The following AKAP9 variants were observed in gnomAD, a reference collection of about 807,000 sequenced individuals.
AKAP9 encodes the protein A-kinase anchor protein 9.
Under a neutral mutation model 488.5 loss-of-function variants are expected in AKAP9, and 311 were observed. The observed-to-expected ratio is 0.64, with a 90% CI of 0.58 to 0.70. The LOEUF (loss-of-function observed/expected upper bound fraction) is 0.70. Among genes scored for constraint, AKAP9 ranks in the 30% least tolerant of loss-of-function variants. The pLI, the probability that AKAP9 is intolerant of heterozygous loss-of-function variation, is 0.00. For synonymous variants in AKAP9, 1,462 were observed against 1,483.5 expected (o/e 0.99, Z 0.33); for missense variants, 4,215 against 4,374.5 (o/e 0.96, Z 1.03).
chr7:92,066,482 A>G lies in AKAP9; in HGVS notation c.6266A>G (p.Lys2089Arg), dbSNP rs935763510. The G allele has an allele frequency of 1.9e-6, 3 of 1,613,392 alleles. No individual in the cohort carries two copies. Among genetic ancestry groups the G allele is most frequent in the African/African-American group, 2.7e-5 (2 of 74,896 alleles). The change falls in exon 26 of 50, where the codon AAA (lysine) becomes AGA (arginine). Residue 2089 changes from lysine (K) to arginine (R), a missense_variant. Physicochemically the swap from Lys to Arg is conservative, Grantham distance 26. This residue lies in a region of AKAP9 where 2,361 missense variants were observed against 2,430.0 expected (regional missense o/e 0.97). Coordinates refer to ENST00000356239, the MANE Select transcript of AKAP9 (RefSeq NM_005751.5). ...ERDVFQQEIQ[K>R]LEQQLKVVPR... is the part of the protein sequence containing the mutation. ...GATGTATTCCAACAGGAAATACAGA[A>G]ACTAGAACAGCAACTTAAGGTTGTT... is the stretch of plus-strand genomic sequence containing the variant.
intron 7 of AKAP9, 83 bp from the exon 8 acceptor site, chr7:92,000,765 A>G: frequency 1.4e-6 from 1 of 715,902 alleles, no homozygotes; most frequent in Non-Finnish European, 2.2e-6. Context: ...AACTTCTGTC[A>G]GTCTTTTGGT....
chr7:91,973,642 C>T (rs1169812968), intron 1 of AKAP9, 69 bp from the exon 2 acceptor site: 3 of 1,520,176 alleles, frequency 2.0e-6, no homozygotes, highest in Non-Finnish European at 2.7e-6. Context: ...ACTCCCAAAG[C>T]TGCTTTTTTC....
chr7:92,017,692 T>C (rs1311486242), intron 12 of AKAP9, among the ~76,000 whole-genome samples: 4 of 152,182 alleles, frequency 2.6e-5, no homozygotes, highest in Non-Finnish European at 5.9e-5. Context: ...TCAGTTAATA[T>C]TAAAATGTTT....
chr7:92,029,813 T>C, intron 14 of AKAP9, 82 bp from the exon 15 acceptor site: 1 of 1,143,910 alleles, frequency 8.7e-7, no homozygotes, highest in South Asian at 1.2e-5. Context: ...CCAGTACACA[T>C]TTTATGTGTG....
At chr7:92,032,861 AG>A (rs1303876994) in intron 16 of AKAP9, among the ~76,000 whole-genome samples, 5 of 152,150 alleles carry the variant, frequency 3.3e-5, no homozygotes, top group Admixed American at 3.3e-4. Flanking sequence ...ATGGTGTATC[AG>A]GGTATAGTAA....
chr7:92,070,907 A>G lies in AKAP9; in HGVS notation c.6510A>G (p.Val2170=), dbSNP rs1223347025. Residue 2170 remains valine (V), a splice_region_variant and synonymous_variant, in exon 28 of 50, where the codon GTA becomes GTG. Coordinates refer to ENST00000356239, the MANE Select transcript of AKAP9 (RefSeq NM_005751.5). ...LLVSADTFQK[V]EDRKHFGAVE... ...AGAAAATTTTTATATATTTAAAGGTAGAGGACCGAAAACACTTTGGAGCTG... is the reference window on the plus strand; with the variant it reads ...AGAAAATTTTTATATATTTAAAGGTGGAGGACCGAAAACACTTTGGAGCTG... 5.0e-6 allele frequency: 8 copies of G among 1,608,400 alleles called. No individual in the cohort carries two copies. Among genetic ancestry groups the G allele is most frequent in the African/African-American group, 1.3e-5 (1 of 74,728 alleles).
At chr7:91,972,979 C>A (rs951402372) in intron 1 of AKAP9, among the ~76,000 whole-genome samples, 5 of 152,086 alleles carry the variant, frequency 3.3e-5, no homozygotes, top group African/African-American at 7.2e-5. Flanking sequence ...TGAACTAAAT[C>A]TTTTTAGTAT....
chr7:92,071,163 A>G (rs1001764647), intron 28 of AKAP9, among the ~76,000 whole-genome samples, 154 bp downstream of exon 28: 59 of 152,226 alleles, frequency 3.9e-4, no homozygotes, highest in African/African-American at 1.4e-3. Context: ...TGAAGGCAGT[A>G]AACATATGAG....
intron 22 of AKAP9, among the ~76,000 whole-genome samples, chr7:92,059,400 CA>C (rs1195702880): frequency 1.4e-5 from 2 of 147,572 alleles, no homozygotes; most frequent in Non-Finnish European, 3.0e-5. Context: ...TAATAAATGA[CA>C]TTTTTTTTTG....
chr7:91,993,069 C>A lies in AKAP9; in HGVS notation c.576+14C>A. 1.2e-6 allele frequency: 2 copies of A among 1,613,826 alleles called. No individual in the cohort carries two copies. Among genetic ancestry groups the A allele is most frequent in the Non-Finnish European group, 1.7e-6 (2 of 1,179,838 alleles). On this transcript the variant is annotated intron_variant, in intron 5 of 49. Transcript: ENST00000356239. ...GGACTGCAGCAGGTATGTTTATTTTCTGTGGCTTTTGATTTGCTACTCACA... is the reference window on the plus strand; with the variant it reads ...GGACTGCAGCAGGTATGTTTATTTTATGTGGCTTTTGATTTGCTACTCACA...
Position 92,065,211 on chromosome 7 carries a change from T to C in AKAP9, c.5978-20T>C, listed in dbSNP as rs779732444. 44 of 1,433,662 alleles carry C rather than the reference T, an allele frequency of 3.1e-5. No homozygotes were observed. The highest frequency in any genetic ancestry group is 4.2e-5 in the Non-Finnish European group (43 of 1,024,340). 88.8% of individuals were successfully genotyped at this position (1,433,662 alleles called of 1,614,324 possible). A position where few individuals can be genotyped will look rare whatever the true frequency, so the allele number is the denominator to read the frequency against. ...TCATTAATTGTGATTTAATTCAGTA[T>C]ATTTTGTATTAATAAACAGAATTAC... On this transcript the variant is annotated intron_variant, in intron 24 of 49. Coordinates refer to ENST00000356239, the MANE Select transcript of AKAP9 (RefSeq NM_005751.5).
intron 43 of AKAP9, among the ~76,000 whole-genome samples, chr7:92,098,505 G>T (rs1817014505): frequency 6.6e-6 from 1 of 152,272 alleles, no homozygotes; most frequent in South Asian, 2.1e-4. Context: ...TCTACTCCAT[G>T]AAACACCCTT....
chr7:92,029,352 G>A (rs1299836082), intron 14 of AKAP9, among the ~76,000 whole-genome samples: 4 of 152,104 alleles, frequency 2.6e-5, no homozygotes, highest in Non-Finnish European at 4.4e-5. Context: ...TGTTACTTTC[G>A]ATGTGTATAC....
intron 17 of AKAP9, 120 bp downstream of exon 17, chr7:92,038,892 A>G: frequency 1.3e-6 from 1 of 750,224 alleles, no homozygotes; most frequent in Non-Finnish European, 2.2e-6. Context: ...ATTCAGTCTT[A>G]TGACTCACGT....
intron 8 of AKAP9, among the ~76,000 whole-genome samples, chr7:92,003,925 G>A (rs1037057443): frequency 6.6e-6 from 1 of 152,106 alleles, no homozygotes; most frequent in Admixed American, 6.5e-5. Context: ...AGTTTTATGT[G>A]TTTCTTCATT....
intron 47 of AKAP9, 149 bp downstream of exon 47, chr7:92,105,912 C>T: frequency 2.7e-6 from 2 of 731,498 alleles, no homozygotes; most frequent in Admixed American, 2.1e-5. Flanking sequence ...TGCCCGAGCT[C>T]CACCTCCTGT....
chr7:92,062,122 C>T (rs936562173), intron 23 of AKAP9, 152 bp from the exon 24 acceptor site: 9 of 667,498 alleles, frequency 1.3e-5, no homozygotes, highest in Non-Finnish European at 2.4e-5. Flanking sequence ...TTGATAGTTG[C>T]TGTGATGAGC....
Position 92,038,482 on chromosome 7 carries a change from A to G in AKAP9, c.4402A>G (p.Lys1468Glu). Reference sequence around the variant, plus strand: ...TGAACTGTCTAGAATATCTGGGGGAAAAGAAAATACTGCATCATCAAAGCA... The same window carrying G: ...TGAACTGTCTAGAATATCTGGGGGAGAAGAAAATACTGCATCATCAAAGCA... ...QTELSRISGG[K>E]ENTASSKQAH... Residue 1468 changes from lysine (K) to glutamate (E), a missense_variant, in exon 17 of 50, where the codon AAA becomes GAA. Physicochemically the swap from Lys to Glu is moderately conservative, Grantham distance 56. Around this residue, in one of 5 missense-constraint regions of AKAP9, gnomAD observed 2,361 missense variants for 2,430.0 expected, o/e 0.97. Transcript: ENST00000356239. 6.2e-7 allele frequency: 1 copy of G among 1,613,974 alleles called. No homozygotes were observed. Among genetic ancestry groups the G allele is most frequent in the Non-Finnish European group, 8.5e-7 (1 of 1,179,916 alleles).
chr7:92,095,301 A>G (rs1233449164), intron 40 of AKAP9, 128 bp downstream of exon 40: 1 of 1,005,434 alleles, frequency 9.9e-7, no homozygotes, highest in Non-Finnish European at 1.5e-6. Flanking sequence ...TTCACTGTGC[A>G]TTGAATACTA....
Sources: allele counts gnomAD v4.1 joint callset (sites outside exome capture counted in the v4.1 genomes callset), GRCh38; gene constraint gnomAD v4.1.1; regional missense constraint gnomAD v4.1.1; transcripts MANE v1.5; gene names NCBI Gene and HGNC (gene_info 2026-07-23, HGNC 2026-07-21).